The following ADCY1 variants were observed in gnomAD, a reference collection of about 807,000 sequenced individuals.
The protein encoded by ADCY1 is adenylate cyclase 1, also known as adenylate cyclase type 1.
Under a neutral mutation model 105.4 loss-of-function variants are expected in ADCY1, and 28 were observed. That is an observed-to-expected ratio of 0.27 (90% CI 0.20 to 0.36). The LOEUF is 0.36. Ranked by LOEUF, ADCY1 falls within the 10% of genes least tolerant of loss-of-function variation. The probability of loss-of-function intolerance (pLI) is 1.00; values close to 1 mark genes in which losing one functional copy is unlikely to be tolerated. For synonymous variants in ADCY1, 655 were observed against 623.8 expected (o/e 1.05, Z -0.75); for missense variants, 977 against 1,434.2 (o/e 0.68, Z 5.15).
At chr7:45,630,771 C>T (rs1417084155) in intron 4 of ADCY1, among the ~76,000 whole-genome samples, 1 of 152,102 alleles carries the variant, frequency 6.6e-6, no homozygotes, top group African/African-American at 2.4e-5. Flanking sequence ...GATGGTTTCC[C>T]TATTTTAAGA....
chr7:45,651,137 G>A (rs1208043333), intron 5 of ADCY1, among the ~76,000 whole-genome samples: 1 of 151,740 alleles, frequency 6.6e-6, no homozygotes, highest in Non-Finnish European at 1.5e-5. Context: ...TGTTCCCAGG[G>A]CCTCAGGAAG....
intron 1 of ADCY1, among the ~76,000 whole-genome samples, chr7:45,588,627 A>G (rs900226685): frequency 6.6e-6 from 1 of 152,018 alleles, no homozygotes. Flanking sequence ...GGTGGTGCAC[A>G]GTCAAGTAGA....
intron 1 of ADCY1, among the ~76,000 whole-genome samples, 174 bp from the exon 2 acceptor site, chr7:45,592,585 G>T (rs1792953882): frequency 6.6e-6 from 1 of 152,216 alleles, no homozygotes; most frequent in African/African-American, 2.4e-5. Context: ...GCCCGGACAG[G>T]GTGAGGACGA....
chr7:45,654,641 C>A (rs73119960), intron 5 of ADCY1, among the ~76,000 whole-genome samples: 1 of 152,280 alleles, frequency 6.6e-6, no homozygotes, highest in Non-Finnish European at 1.5e-5. Context: ...TTTCTCAGCG[C>A]AGAGAAACTT....
chr7:45,607,674 C>T (rs1362323657), intron 2 of ADCY1, among the ~76,000 whole-genome samples: 1 of 152,180 alleles, frequency 6.6e-6, no homozygotes, highest in Non-Finnish European at 1.5e-5. Flanking sequence ...CAATGTTTAG[C>T]TTCCACTCGT....
At chr7:45,648,875 C>T in intron 5 of ADCY1, 78 bp downstream of exon 5, 1 of 1,556,148 alleles carries the variant, frequency 6.4e-7, no homozygotes, top group Non-Finnish European at 8.8e-7. Flanking sequence ...CCACCTTCTG[C>T]CCCATGTGGG....
intron 19 of ADCY1, among the ~76,000 whole-genome samples, chr7:45,711,099 C>G (rs919825995): frequency 1.3e-5 from 2 of 152,214 alleles, no homozygotes; most frequent in Admixed American, 1.3e-4. Flanking sequence ...CTGACACCCT[C>G]TAAAAGCCAT....
At chr7:45,688,131 G>A (rs1287104300) in intron 14 of ADCY1, among the ~76,000 whole-genome samples, 1 of 152,298 alleles carries the variant, frequency 6.6e-6, no homozygotes, top group East Asian at 1.9e-4. Context: ...CAGTAGCAGG[G>A]GTAACAAAGG....
chr7:45,666,815 C>T (rs935113148), intron 8 of ADCY1, among the ~76,000 whole-genome samples: 3 of 152,286 alleles, frequency 2.0e-5, no homozygotes, highest in East Asian at 3.9e-4. Context: ...TTAATGATCG[C>T]CATTCTAAGT....
chr7:45,678,912 A>G (rs73102614), intron 10 of ADCY1, among the ~76,000 whole-genome samples: 13 of 152,074 alleles, frequency 8.5e-5, no homozygotes, highest in Non-Finnish European at 1.3e-4. Context: ...AATAATAACA[A>G]TAACTTTTGA....
chr7:45,678,402 G>A, intron 10 of ADCY1, 139 bp downstream of exon 10: 1 of 776,918 alleles, frequency 1.3e-6, no homozygotes, highest in Non-Finnish European at 2.1e-6. Flanking sequence ...GTCCCAATGT[G>A]CCCAACATGG....
At chr7:45,627,817 C>T (rs184727573) in intron 4 of ADCY1, among the ~76,000 whole-genome samples, 1 of 152,274 alleles carries the variant, frequency 6.6e-6, no homozygotes, top group Admixed American at 6.5e-5. Context: ...CTTACCCTCC[C>T]CATAGCTGTA....
chr7:45,642,707 G>T (rs1463833517), intron 4 of ADCY1, among the ~76,000 whole-genome samples: 1 of 152,180 alleles, frequency 6.6e-6, no homozygotes, highest in Non-Finnish European at 1.5e-5. Context: ...CCAGGTTGAG[G>T]TTGATGGTGG....
At chr7:45,583,671 G>C (rs779797001) in intron 1 of ADCY1, among the ~76,000 whole-genome samples, 5 of 151,710 alleles carry the variant, frequency 3.3e-5, no homozygotes, top group African/African-American at 4.8e-5. Flanking sequence ...ATGGAGTTTC[G>C]CTCTTGTTGC....
intron 2 of ADCY1, among the ~76,000 whole-genome samples, chr7:45,603,324 G>C (rs1345493124): frequency 6.6e-6 from 1 of 152,132 alleles, no homozygotes; most frequent in Non-Finnish European, 1.5e-5. Context: ...TAAATACCTA[G>C]GAGTAGAATT....
At chr7:45,681,720 G>T (rs1784558719) in intron 11 of ADCY1, among the ~76,000 whole-genome samples, 1 of 152,220 alleles carries the variant, frequency 6.6e-6, no homozygotes, top group African/African-American at 2.4e-5. Flanking sequence ...GGCCAGGGAA[G>T]AGGCCTGTGC....
chr7:45,622,142 A>G (rs1414027506), intron 3 of ADCY1, among the ~76,000 whole-genome samples: 1 of 151,470 alleles, frequency 6.6e-6, no homozygotes, highest in African/African-American at 2.4e-5. Flanking sequence ...GAATTCGGGG[A>G]CTCCCTCCCT....
chr7:45,674,852 C>T (rs1336206368), intron 8 of ADCY1, among the ~76,000 whole-genome samples: 1 of 152,180 alleles, frequency 6.6e-6, no homozygotes, highest in Non-Finnish European at 1.5e-5. Flanking sequence ...GTTATCACTA[C>T]AGCCACTCCT....
chr7:45,662,190 C>G lies in ADCY1; in HGVS notation c.1581C>G (p.Val527=), dbSNP rs750457459. 6.2e-7 allele frequency: 1 copy of G among 1,613,692 alleles called. No homozygotes were observed. The highest frequency in any genetic ancestry group is 8.5e-7 in the Non-Finnish European group (1 of 1,179,900). The change falls in exon 8 of 20, where the codon GTC becomes GTG. Residue 527 remains valine, a synonymous_variant. Coordinates refer to ENST00000297323, the MANE Select transcript of ADCY1 (RefSeq NM_021116.4). ...AGGCCGAGATCCCCTTCTCCAATGT[C>G]ATGACCTGCGAGGACGATGACAAGG... ...MFKAEIPFSN[V]MTCEDDDKRR... is the part of the protein sequence containing the mutation.
Sources: allele counts gnomAD v4.1 joint callset (sites outside exome capture counted in the v4.1 genomes callset), GRCh38; gene constraint gnomAD v4.1.1; transcripts MANE v1.5; gene names NCBI Gene and HGNC (gene_info 2026-07-23, HGNC 2026-07-21).